Variants in CEP85L observed in about 807,000 individuals in gnomAD.
CEP85L encodes centrosomal protein of 85 kDa-like.
Under a neutral mutation model 100.3 loss-of-function variants are expected in CEP85L, and 60 were observed. The ratio of observed to expected loss-of-function variants is 0.60; its 90% CI spans 0.49 to 0.74. The LOEUF is 0.74. CEP85L is among the 30% of genes least tolerant of loss of function. The pLI is 0.00. For missense variants in CEP85L, 973 were observed against 936.2 expected, an observed-to-expected ratio of 1.04 and a Z score of -0.51; for synonymous variants, 319 against 322.7, an observed-to-expected ratio of 0.99 and a Z score of 0.12.
chr6:118,506,131 A>G (rs1272416902), intron 5 of CEP85L, among the ~76,000 whole-genome samples: 6 of 152,252 alleles, frequency 3.9e-5, no homozygotes, highest in African/African-American at 1.4e-4. Flanking sequence ...CTGGAAAATC[A>G]TGCACTAAAA....
chr6:118,574,435 G>A (rs1215314455), intron 2 of CEP85L, among the ~76,000 whole-genome samples: 2 of 152,198 alleles, frequency 1.3e-5, no homozygotes, highest in African/African-American at 4.8e-5. Context: ...CCACCCTTCT[G>A]CAGAAGTAAA....
At chr6:118,556,236 T>C (rs115262846) in intron 3 of CEP85L, among the ~76,000 whole-genome samples, 2,644 of 152,342 alleles carry the variant, frequency 0.017, 77 homozygotes, top group African/African-American at 0.061. Context: ...AGAAGTGTTA[T>C]AGACAACCTA....
chr6:118,513,695 C>CT (rs1252291653), intron 4 of CEP85L, among the ~76,000 whole-genome samples: 1 of 151,892 alleles, frequency 6.6e-6, no homozygotes, highest in African/African-American at 2.4e-5. Flanking sequence ...AAATAAAGAT[C>CT]TTTTTTGGAA....
intron 4 of CEP85L, among the ~76,000 whole-genome samples, chr6:118,521,432 A>C (rs1776662480): frequency 6.6e-6 from 1 of 152,220 alleles, no homozygotes; most frequent in South Asian, 2.1e-4. Context: ...TGATTATCAA[A>C]AACTTTATAA....
intron 1 of CEP85L, among the ~76,000 whole-genome samples, chr6:118,634,070 T>C (rs1253629223): frequency 3.3e-5 from 5 of 152,260 alleles, no homozygotes; most frequent in East Asian, 1.9e-4. Flanking sequence ...GCGGTTGAAA[T>C]AGCAGTTGCT....
At chr6:118,587,661 G>A (rs767761406) in intron 2 of CEP85L, among the ~76,000 whole-genome samples, 5 of 152,060 alleles carry the variant, frequency 3.3e-5, no homozygotes, top group Non-Finnish European at 5.9e-5. Flanking sequence ...TAACAGTGGC[G>A]GCTTACTGAT....
At chr6:118,684,877 G>C (rs1776783060) in intron 1 of CEP85L, among the ~76,000 whole-genome samples, 1 of 152,020 alleles carries the variant, frequency 6.6e-6, no homozygotes, top group Admixed American at 6.6e-5. Flanking sequence ...GTCCTGAACT[G>C]CTGGGCTCAA....
At chr6:118,705,889 T>C (rs1168145975) in intron 1 of CEP85L, among the ~76,000 whole-genome samples, 1 of 152,252 alleles carries the variant, frequency 6.6e-6, no homozygotes, top group Non-Finnish European at 1.5e-5. Flanking sequence ...ATAATTTCCT[T>C]GCCTGGTGTG....
chr6:118,589,768 G>T (rs1054941483), intron 2 of CEP85L: 4 of 192,858 alleles, frequency 2.1e-5, no homozygotes, highest in Non-Finnish European at 4.3e-5. Context: ...TCACGACAGT[G>T]AAAAGTTGAG....
At chr6:118,641,917 T>A (rs1219658262) in intron 1 of CEP85L, among the ~76,000 whole-genome samples, 1 of 151,880 alleles carries the variant, frequency 6.6e-6, no homozygotes, top group Non-Finnish European at 1.5e-5. Flanking sequence ...CCCATAAGGG[T>A]AAAGATGATG....
At chr6:118,655,950 T>C (rs1430591781), upstream of CEP85L, among the ~76,000 whole-genome samples, 1 of 152,202 alleles carries the variant, frequency 6.6e-6, no homozygotes, top group Non-Finnish European at 1.5e-5. Flanking sequence ...TCAAATCTGA[T>C]CCATGTGACT....
chr6:118,622,198 T>A (rs1200258628), intron 2 of CEP85L, among the ~76,000 whole-genome samples: 1 of 152,178 alleles, frequency 6.6e-6, no homozygotes, highest in Admixed American at 6.5e-5. Flanking sequence ...AAGGAAAGGA[T>A]CTCACTGTCT....
chr6:118,619,966 A>T (rs1449621520), intron 2 of CEP85L, among the ~76,000 whole-genome samples: 1 of 152,220 alleles, frequency 6.6e-6, no homozygotes, highest in African/African-American at 2.4e-5. Context: ...GTAGACCCTC[A>T]TTGGGATACT....
chr6:118,676,144 A>T lies in CEP85L; in HGVS notation c.-27-23336T>A, dbSNP rs186459771. 2.0e-4 allele frequency among the ~76,000 whole-genome samples: 31 copies of T among 152,300 alleles called. No homozygotes were observed. In the East Asian group the frequency reaches 2.1e-3, roughly 10 times the overall value. On this transcript the variant is annotated intron_variant, in intron 1 of 13. Transcript: ENST00000368488. Reference sequence around the variant, plus strand: ...AATAATTGTATATATTTATGGGCACATTATCATGTTTTGATCTATGTATAC... The same window carrying T: ...AATAATTGTATATATTTATGGGCACTTTATCATGTTTTGATCTATGTATAC...
intron 2 of CEP85L, among the ~76,000 whole-genome samples, chr6:118,603,073 G>A (rs1380355612): frequency 6.6e-6 from 1 of 152,026 alleles, no homozygotes; most frequent in Admixed American, 6.6e-5. Flanking sequence ...ACCCACCTTG[G>A]CCTCCCAAAG....
intron 1 of CEP85L, among the ~76,000 whole-genome samples, chr6:118,661,334 A>G (rs899449127): frequency 6.6e-6 from 1 of 152,188 alleles, no homozygotes; most frequent in African/African-American, 2.4e-5. Context: ...AATGCACACG[A>G]GAGTAGATTA....
chr6:118,593,121 AAGTTT>A (rs1432628443), intron 2 of CEP85L, among the ~76,000 whole-genome samples: 1 of 152,192 alleles, frequency 6.6e-6, no homozygotes, highest in African/African-American at 2.4e-5. Context: ...AGCCCCTGGG[AAGTTT>A]TCATATTGTC....
At chr6:118,511,797 A>G (rs913070700) in intron 4 of CEP85L, among the ~76,000 whole-genome samples, 3 of 152,312 alleles carry the variant, frequency 2.0e-5, no homozygotes, top group African/African-American at 7.2e-5. Flanking sequence ...TTTTGGAACA[A>G]GTAAGTTGTA....
intron 3 of CEP85L, chr6:118,560,543 A>C (rs946211494): frequency 1.2e-5 from 2 of 166,982 alleles, no homozygotes; most frequent in Non-Finnish European, 2.9e-5. Flanking sequence ...TGGGGGAAAG[A>C]ATATTCATGT....
Sources: allele counts gnomAD v4.1 joint callset (sites outside exome capture counted in the v4.1 genomes callset), GRCh38; gene constraint gnomAD v4.1.1; transcripts MANE v1.5; gene names NCBI Gene and HGNC (gene_info 2026-07-23, HGNC 2026-07-21).